Variants in CHAF1A observed in about 807,000 individuals in gnomAD.
The protein encoded by CHAF1A is chromatin assembly factor 1 subunit A, also known as CAF-1 subunit A.
A neutral mutation model predicts 93.2 loss-of-function variants in CHAF1A; 5 were observed. The observed-to-expected ratio is 0.05, with a 90% CI of 0.03 to 0.11. The LOEUF (loss-of-function observed/expected upper bound fraction) is 0.11. Among genes scored for constraint, CHAF1A ranks in the 10% least tolerant of loss-of-function variants. The pLI is 1.00. For synonymous variants in CHAF1A, 504 were observed against 510.3 expected, an observed-to-expected ratio of 0.99 and a Z score of 0.17; for missense variants, 1,102 against 1,259.9, an observed-to-expected ratio of 0.87 and a Z score of 1.90.
intron 12 of CHAF1A, 150 bp from the exon 13 acceptor site, chr19:4,432,920 T>G: frequency 1.6e-6 from 1 of 636,904 alleles, no homozygotes; most frequent in Non-Finnish European, 2.7e-6. Context: ...CTACCCTGTC[T>G]TACACCCGCC....
intron 4 of CHAF1A, among the ~76,000 whole-genome samples, chr19:4,421,637 A>G (rs549887242): frequency 1.3e-5 from 2 of 152,216 alleles, no homozygotes; most frequent in East Asian, 1.9e-4. Context: ...ATAGCTGGGT[A>G]TAGTGGTGTG....
At chr19:4,430,163 G>T in intron 10 of CHAF1A, 1 of 336,990 alleles carries the variant, frequency 3.0e-6, no homozygotes, top group Non-Finnish European at 5.6e-6. Flanking sequence ...ATGCAAAGCA[G>T]ATGTTCACAG....
rs185776398 is a variant in CHAF1A at position 4,429,011 on chromosome 19, G to A, written c.1604+121G>A. On this transcript the variant is annotated intron_variant, in intron 8 of 14. Coordinates refer to ENST00000301280, the MANE Select transcript of CHAF1A (RefSeq NM_005483.3). ...CTGTTGCTTGCTTCCTAGTGCCCTCGGGCCCTGGGCTTCGGTGCTGGCTCA... is the reference window on the plus strand; with the variant it reads ...CTGTTGCTTGCTTCCTAGTGCCCTCAGGCCCTGGGCTTCGGTGCTGGCTCA... 1.2e-3 allele frequency: 928 copies of A among 744,228 alleles called. 8 individuals are homozygous for A. In the African/African-American group the frequency reaches 0.014, roughly 12 times the overall value. 46.1% of individuals were successfully genotyped at this position (744,228 alleles called of 1,614,324 possible). A position where few individuals can be genotyped will look rare whatever the true frequency, so the allele number is the denominator to read the frequency against.
intron 13 of CHAF1A, among the ~76,000 whole-genome samples, chr19:4,434,472 C>CCTTT (rs1974245362): frequency 1.3e-5 from 2 of 152,128 alleles, no homozygotes; most frequent in Admixed American, 6.6e-5. Flanking sequence ...TTGTTTTAAA[C>CCTTT]AAAGAGGCTT....
chr19:4,421,578 A>G (rs188591511), intron 4 of CHAF1A, among the ~76,000 whole-genome samples: 27 of 152,112 alleles, frequency 1.8e-4, no homozygotes, highest in African/African-American at 6.3e-4. Flanking sequence ...CGTGTTCAAG[A>G]CCAGCCTGGG....
In CHAF1A at chr19:4,402,689, G is replaced by C; in HGVS notation, c.-74G>C. 2.0e-6 allele frequency: 2 copies of C among 1,000,444 alleles called. No homozygotes were observed. Among genetic ancestry groups the C allele is most frequent in the Non-Finnish European group, 2.5e-6 (2 of 788,580 alleles). The allele number at this position is 1,000,444 out of a possible 1,614,324, so 62.0% of individuals were successfully genotyped here. A position where few individuals can be genotyped will look rare whatever the true frequency, so the allele number is the denominator to read the frequency against. ...CGGCAGCAGCGGCGCGGGCGGGAGG[G>C]CGAAGAGCAGCGGCCGCCTGAGGGG... On this transcript the variant is annotated 5_prime_UTR_variant, in exon 1 of 15. Transcript: ENST00000301280.
At chr19:4,448,287 G>A (rs1248347851), downstream of CHAF1A, 2 of 1,564,904 alleles carry the variant, frequency 1.3e-6, no homozygotes, top group African/African-American at 1.4e-5. Context: ...AGCTGGAGGG[G>A]CCAGGCAGGG....
At chr19:4,437,185 C>T (rs1001945143) in intron 13 of CHAF1A, among the ~76,000 whole-genome samples, 14 of 152,162 alleles carry the variant, frequency 9.2e-5, no homozygotes, top group Admixed American at 6.5e-4. Flanking sequence ...CAGCTTGATG[C>T]TTAACCCCCA....
In CHAF1A at chr19:4,432,200, C is replaced by G. The variant is rs568115192; in HGVS notation, c.2196C>G (p.Asp732Glu). 1.3e-4 allele frequency: 204 copies of G among 1,604,388 alleles called. No individual in the cohort carries two copies. Among genetic ancestry groups the G allele is most frequent in the Non-Finnish European group, 1.6e-4 (191 of 1,174,958 alleles). ...AGGCCTCCAAGCGGGAGAGGAGAGA[C>G]GAGCAGAGTGAGTGTGGGCGGGGCC... Reference protein sequence around the residue: ...TPKASKRERRDEQILAQLLPL... With the variant: ...TPKASKRERREEQILAQLLPL... Residue 732 changes from aspartate to glutamate, a missense_variant, in exon 12 of 15, where the codon GAC (aspartate) becomes GAG (glutamate). Physicochemically the swap from Asp to Glu is conservative, Grantham distance 45. This residue lies in a region of CHAF1A where 335 missense variants were observed against 361.9 expected (regional missense o/e 0.93). Transcript: ENST00000301280.
chr19:4,433,142 A>C lies in CHAF1A; in HGVS notation c.2276A>C (p.Glu759Ala). 6.2e-7 allele frequency: 1 copy of C among 1,612,460 alleles called. No individual in the cohort carries two copies. Among genetic ancestry groups the C allele is most frequent in the South Asian group, 1.1e-5 (1 of 91,044 alleles). ...AAGGTCATCATCCGGGAGTTCCAGG[A>C]GCACTGCCGCCGGGGACTGCTCAGC... ...GSKVIIREFQ[E>A]HCRRGLLSNH... The change falls in exon 13 of 15, where the codon GAG becomes GCG. Residue 759 changes from glutamate to alanine, a missense_variant. Coordinates refer to ENST00000301280, the MANE Select transcript of CHAF1A (RefSeq NM_005483.3). This position sits in a 1 kb window ranked among gnomAD's most constrained non-coding sequence, Gnocchi z 5.6.
intron 3 of CHAF1A, 68 bp downstream of exon 3, chr19:4,409,827 T>C: frequency 6.6e-7 from 1 of 1,517,650 alleles, no homozygotes; most frequent in Non-Finnish European, 8.9e-7. Context: ...CAGTCTCCAC[T>C]GGGTCACCCA....
chr19:4,419,882 C>T (rs1350867888), intron 4 of CHAF1A, among the ~76,000 whole-genome samples: 2 of 152,152 alleles, frequency 1.3e-5, no homozygotes, highest in African/African-American at 4.8e-5. Context: ...TTTCTAGAAG[C>T]CTTCTATTTC....
intron 4 of CHAF1A, among the ~76,000 whole-genome samples, chr19:4,420,245 GT>G (rs11331430): frequency 0.33 from 48,499 of 147,238 alleles, 8,228 homozygotes; most frequent in East Asian, 0.6. Context: ...GCAGGTGAGC[GT>G]TTTTTTTTTT....
intron 3 of CHAF1A, among the ~76,000 whole-genome samples, chr19:4,415,969 C>T (rs981398087): frequency 3.9e-5 from 6 of 151,968 alleles, no homozygotes; most frequent in Admixed American, 6.6e-5. Context: ...GTCAGGAGAT[C>T]GAGACCATCC....
chr19:4,444,365 G>GT (rs1298225870), downstream of CHAF1A, among the ~76,000 whole-genome samples: 2 of 152,176 alleles, frequency 1.3e-5, no homozygotes, highest in Non-Finnish European at 2.9e-5. Context: ...TGGGGCTGCT[G>GT]TACCACAAAC....
chr19:4,448,685 G>T, downstream of CHAF1A: 1 of 502,094 alleles, frequency 2.0e-6, no homozygotes, highest in Admixed American at 3.3e-5. Context: ...TTGGAAGCCA[G>T]TGTGACGCGA....
At chr19:4,408,461 C>CTGTTTTTTTTT (rs1776956822) in intron 2 of CHAF1A, among the ~76,000 whole-genome samples, 1 of 36,012 alleles carries the variant, frequency 2.8e-5, no homozygotes, top group Non-Finnish European at 4.3e-5. Flanking sequence ...CGCACCCGGC[C>CTGTTTTTTTTT]TTTTTTTTTT....
chr19:4,413,254 T>G (rs1428382190), intron 3 of CHAF1A, among the ~76,000 whole-genome samples: 1 of 152,088 alleles, frequency 6.6e-6, no homozygotes. Context: ...GTATTTTTAG[T>G]GGAGATGGGG....
At chr19:4,429,864 G>A in intron 10 of CHAF1A, 76 bp downstream of exon 10, 3 of 1,306,092 alleles carry the variant, frequency 2.3e-6, no homozygotes, top group Admixed American at 3.9e-5. Flanking sequence ...AGGGGCTAAG[G>A]ATGCAGCCCA....
Sources: allele counts gnomAD v4.1 joint callset (sites outside exome capture counted in the v4.1 genomes callset), GRCh38; gene constraint gnomAD v4.1.1; regional missense constraint gnomAD v4.1.1; non-coding constraint Gnocchi (gnomAD v3.1); transcripts MANE v1.5; gene names NCBI Gene and HGNC (gene_info 2026-07-23, HGNC 2026-07-21).